The following MLLT3 variants were observed in gnomAD, a reference collection of about 807,000 sequenced individuals.
MLLT3 encodes the protein protein AF-9.
Under a neutral mutation model 53.2 loss-of-function variants are expected in MLLT3, and 4 were observed. That is an observed-to-expected ratio of 0.08 (90% confidence interval 0.04 to 0.17). The LOEUF (loss-of-function observed/expected upper bound fraction) is 0.17, where lower values mean the gene tolerates loss of function less well. Among genes scored for constraint, MLLT3 ranks in the 10% least tolerant of loss-of-function variants. The pLI is 1.00. For missense variants in MLLT3, 569 were observed against 684.0 expected (o/e 0.83, Z 1.87); for synonymous variants, 283 against 230.6 (o/e 1.23, Z -2.06).
At chr9:20,608,276 T>C (rs904692239) in intron 2 of MLLT3, among the ~76,000 whole-genome samples, 2 of 151,952 alleles carry the variant, frequency 1.3e-5, no homozygotes, top group African/African-American at 4.8e-5. Flanking sequence ...TTATTTGTAG[T>C]TGATTTTTAA....
intron 4 of MLLT3, among the ~76,000 whole-genome samples, chr9:20,445,780 A>G (rs1823678929): frequency 6.6e-6 from 1 of 152,194 alleles, no homozygotes; most frequent in South Asian, 2.1e-4. Flanking sequence ...TAGAATATAT[A>G]CATCTATGTC....
At chr9:20,531,908 T>C (rs1818348328) in intron 2 of MLLT3, among the ~76,000 whole-genome samples, 1 of 151,860 alleles carries the variant, frequency 6.6e-6, no homozygotes, top group Non-Finnish European at 1.5e-5. Context: ...AAAATGAAAA[T>C]TTTTAGCTTT....
rs568782579 is a variant in MLLT3 at position 20,352,781 on chromosome 9, T to TAA, written c.1575+742_1575+743dup. ...CTAACGTCAAGTCATTTGAAAGTAG[T>TAA]AAAAAAAAAAAGAAGAAAAAAATTC... On this transcript the variant is annotated intron_variant, in intron 10 of 10. Coordinates refer to ENST00000380338, the MANE Select transcript of MLLT3 (RefSeq NM_004529.4). 3.0e-4 allele frequency among the ~76,000 whole-genome samples: 40 copies of TAA among 133,490 alleles called. No homozygotes were observed. The East Asian group carries it at 8.0e-3, about 27-fold the overall frequency. The allele number at this position is 133,490 out of a possible 152,430, so 87.6% of individuals were successfully genotyped here. A position where few individuals can be genotyped will look rare whatever the true frequency, so the allele number is the denominator to read the frequency against.
chr9:20,529,054 G>A (rs1818266577), intron 2 of MLLT3, among the ~76,000 whole-genome samples: 1 of 152,184 alleles, frequency 6.6e-6, no homozygotes, highest in African/African-American at 2.4e-5. Flanking sequence ...GTGAGAGCCT[G>A]GATCAGGGTT....
chr9:20,384,512 T>C (rs768226322), intron 5 of MLLT3, among the ~76,000 whole-genome samples: 10 of 152,094 alleles, frequency 6.6e-5, no homozygotes, highest in Non-Finnish European at 8.8e-5. Context: ...AATAAGAGAA[T>C]TGTCAATGTT....
intron 3 of MLLT3, among the ~76,000 whole-genome samples, chr9:20,452,064 G>C (rs1234450428): frequency 6.6e-6 from 1 of 152,158 alleles, no homozygotes. Flanking sequence ...ACACAGGATG[G>C]GGATGTGACC....
rs1017793260 is a variant in MLLT3 at position 20,488,094 on chromosome 9, A to C, written c.194-31308T>G. 3.3e-5 allele frequency among the ~76,000 whole-genome samples: 5 copies of C among 152,122 alleles called. No individual in the cohort carries two copies. In the East Asian group the frequency reaches 9.6e-4, roughly 29 times the overall value. Reference sequence around the variant, plus strand: ...AAATTAAATCTGATACCCATAAACCAAATCTTCCTTGAAGGATAAGTGCTT... The same window carrying C: ...AAATTAAATCTGATACCCATAAACCCAATCTTCCTTGAAGGATAAGTGCTT... On this transcript the variant is annotated intron_variant, in intron 2 of 10. Transcript: ENST00000380338.
At chr9:20,476,525 A>G (rs1824525442) in intron 2 of MLLT3, among the ~76,000 whole-genome samples, 2 of 152,176 alleles carry the variant, frequency 1.3e-5, no homozygotes, top group East Asian at 1.9e-4. Context: ...CTTAAAACAA[A>G]TAAGTAATGT....
chr9:20,468,978 C>G (rs1270992097), intron 2 of MLLT3, among the ~76,000 whole-genome samples: 2 of 152,054 alleles, frequency 1.3e-5, no homozygotes, highest in African/African-American at 4.8e-5. Context: ...AGCCATTTTT[C>G]TTAAAGAGAG....
chr9:20,504,344 A>G (rs964344975), intron 2 of MLLT3, among the ~76,000 whole-genome samples: 2 of 137,066 alleles, frequency 1.5e-5, no homozygotes, highest in African/African-American at 6.1e-5. Context: ...TATATCCCCA[A>G]TGGAATTGTG....
chr9:20,543,672 A>G (rs1818704484), intron 2 of MLLT3, among the ~76,000 whole-genome samples: 1 of 151,652 alleles, frequency 6.6e-6, no homozygotes, highest in African/African-American at 2.4e-5. Flanking sequence ...GAAGGAGGAG[A>G]AGGAGAAGAG....
At chr9:20,591,289 C>T (rs992876581) in intron 2 of MLLT3, among the ~76,000 whole-genome samples, 1 of 152,136 alleles carries the variant, frequency 6.6e-6, no homozygotes, top group African/African-American at 2.4e-5. Context: ...AATTTGGGCA[C>T]TGGGGGTGCA....
At chr9:20,575,105 T>C (rs903066997) in intron 2 of MLLT3, among the ~76,000 whole-genome samples, 1 of 152,232 alleles carries the variant, frequency 6.6e-6, no homozygotes, top group Admixed American at 6.5e-5. Flanking sequence ...TCTACTTCTC[T>C]TTCCACCACA....
chr9:20,505,342 G>C (rs1024446151), intron 2 of MLLT3, among the ~76,000 whole-genome samples: 10 of 152,172 alleles, frequency 6.6e-5, no homozygotes, highest in African/African-American at 2.4e-4. Flanking sequence ...AATTTAAATA[G>C]TAAGACTTTT....
At chr9:20,424,328 A>T (rs1336335581) in intron 4 of MLLT3, among the ~76,000 whole-genome samples, 1 of 152,194 alleles carries the variant, frequency 6.6e-6, no homozygotes, top group African/African-American at 2.4e-5. Context: ...CTCTTGTGAT[A>T]CTGAGAAAAA....
At chr9:20,382,452 A>G (rs1049528233) in intron 5 of MLLT3, 1 of 151,902 alleles carries the variant, frequency 6.6e-6, no homozygotes, top group Non-Finnish European at 1.5e-5. Context: ...GTCAGCAAGG[A>G]ATGGAGAGCT....
chr9:20,601,090 G>A (rs938610172), intron 2 of MLLT3, among the ~76,000 whole-genome samples: 2 of 152,176 alleles, frequency 1.3e-5, no homozygotes, highest in African/African-American at 4.8e-5. Context: ...CTGGGGTTTG[G>A]AGGCAAAACA....
chr9:20,454,232 AGTGTGTGT>A (rs137999564), intron 3 of MLLT3, among the ~76,000 whole-genome samples: 1 of 149,322 alleles, frequency 6.7e-6, no homozygotes, highest in Admixed American at 6.7e-5. Flanking sequence ...AGAAGACTGA[AGTGTGTGT>A]GTGTGTGTGT....
chr9:20,573,335 G>C (rs1195060516), intron 2 of MLLT3, among the ~76,000 whole-genome samples: 2 of 151,840 alleles, frequency 1.3e-5, no homozygotes, highest in South Asian at 2.1e-4. Flanking sequence ...ACATGCCACT[G>C]TGCCTGGCTA....
Sources: allele counts gnomAD v4.1 joint callset (sites outside exome capture counted in the v4.1 genomes callset), GRCh38; gene constraint gnomAD v4.1.1; transcripts MANE v1.5; gene names NCBI Gene and HGNC (gene_info 2026-07-23, HGNC 2026-07-21).